Variants in CTNNA3 observed in about 807,000 individuals in gnomAD.
CTNNA3 encodes catenin alpha 3.
Under a neutral mutation model 95.7 loss-of-function variants are expected in CTNNA3, and 76 were observed. The ratio of observed to expected loss-of-function variants is 0.79; its 90% CI spans 0.66 to 0.96. The LOEUF (loss-of-function observed/expected upper bound fraction) is 0.96, where lower values mean the gene tolerates loss of function less well. Ranked by LOEUF, CTNNA3 falls within the 40% of genes least tolerant of loss-of-function variation. The probability of loss-of-function intolerance (pLI) is 0.00; values close to 1 mark genes in which losing one functional copy is unlikely to be tolerated. For synonymous variants in CTNNA3, 431 were observed against 374.4 expected (o/e 1.15, Z -1.74); for missense variants, 1,191 against 1,089.8 (o/e 1.09, Z -1.31).
intron 16 of CTNNA3, among the ~76,000 whole-genome samples, chr10:65,981,803 A>T (rs562826518): frequency 1.4e-4 from 21 of 152,062 alleles, no homozygotes; most frequent in African/African-American, 4.8e-4. Context: ...GATGTAGAAG[A>T]ATGAAACTGG....
At chr10:67,623,393 T>C (rs1401177650) in intron 2 of CTNNA3, among the ~76,000 whole-genome samples, 3 of 152,184 alleles carry the variant, frequency 2.0e-5, no homozygotes, top group Non-Finnish European at 4.4e-5. Flanking sequence ...TAAATTGATA[T>C]ATATGATTGC....
At chr10:67,307,903 G>A (rs1424789812) in intron 5 of CTNNA3, among the ~76,000 whole-genome samples, 1 of 152,142 alleles carries the variant, frequency 6.6e-6, no homozygotes, top group African/African-American at 2.4e-5. Context: ...TTAACCAGTG[G>A]AATTAGGAAT....
At chr10:66,286,617 G>T (rs1365006542) in intron 12 of CTNNA3, among the ~76,000 whole-genome samples, 1 of 152,078 alleles carries the variant, frequency 6.6e-6, no homozygotes, top group African/African-American at 2.4e-5. Context: ...AACAGGGAAA[G>T]AAGTCTAGAG....
intron 11 of CTNNA3, among the ~76,000 whole-genome samples, chr10:66,429,423 T>C (rs1200128222): frequency 1.6e-5 from 2 of 127,106 alleles, no homozygotes; most frequent in Non-Finnish European, 3.3e-5. Context: ...ATCATCCTGA[T>C]ACCAAAGCTG....
chr10:66,047,646 A>C (rs2079855940), intron 15 of CTNNA3, among the ~76,000 whole-genome samples: 1 of 152,186 alleles, frequency 6.6e-6, no homozygotes, highest in Non-Finnish European at 1.5e-5. Flanking sequence ...CTGGCAAGAG[A>C]GACAAATAAA....
intron 5 of CTNNA3, among the ~76,000 whole-genome samples, chr10:67,264,614 T>C (rs1589104999): frequency 6.6e-6 from 1 of 152,162 alleles, no homozygotes; most frequent in Non-Finnish European, 1.5e-5. Flanking sequence ...CTTTGGGGAA[T>C]TCCTCTATTC....
chr10:66,965,999 T>G (rs1849391615), intron 7 of CTNNA3, among the ~76,000 whole-genome samples: 1 of 152,158 alleles, frequency 6.6e-6, no homozygotes, highest in Non-Finnish European at 1.5e-5. Flanking sequence ...ATAAAGGCAG[T>G]GTATAGAACT....
At chr10:67,505,250 T>C (rs763142935) in intron 5 of CTNNA3, among the ~76,000 whole-genome samples, 4 of 152,264 alleles carry the variant, frequency 2.6e-5, no homozygotes, top group Non-Finnish European at 4.4e-5. Flanking sequence ...TAATCTCCCA[T>C]ATTTAGTTTC....
intron 17 of CTNNA3, among the ~76,000 whole-genome samples, chr10:65,926,249 A>G (rs894011807): frequency 2.6e-5 from 4 of 151,616 alleles, no homozygotes; most frequent in Admixed American, 1.3e-4. Flanking sequence ...GCTTTTAGGT[A>G]GTTTGGAGCT....
Position 66,861,712 on chromosome 10 carries a change from G to A in CTNNA3, c.1048-86188C>T, listed in dbSNP as rs1843935548. Among the ~76,000 whole-genome samples the A allele has an allele frequency of 2.0e-5, 3 of 152,170 alleles. No homozygotes were observed. The South Asian group carries it at 6.2e-4, about 32-fold the overall frequency. ...TTGTTGTTTGTTTTTGAGCTGTGTG[G>A]TGGTAGGAGGTGCTTCTTACAATTT... On this transcript the variant is annotated intron_variant, in intron 7 of 17. Transcript: ENST00000433211.
At chr10:66,282,777 AT>A (rs1464712821) in intron 12 of CTNNA3, among the ~76,000 whole-genome samples, 3 of 151,948 alleles carry the variant, frequency 2.0e-5, no homozygotes, top group Non-Finnish European at 2.9e-5. Context: ...TTATGAACAC[AT>A]CATGTTAATA....
intron 7 of CTNNA3, chr10:67,099,786 G>C (rs1858232459): frequency 6.6e-6 from 1 of 151,832 alleles, no homozygotes; most frequent in Non-Finnish European, 1.5e-5. Flanking sequence ...AAAAATTTTT[G>C]TCATTTTAAA....
chr10:66,842,683 A>G (rs1843107779), intron 7 of CTNNA3, among the ~76,000 whole-genome samples: 1 of 152,198 alleles, frequency 6.6e-6, no homozygotes, highest in South Asian at 2.1e-4. Flanking sequence ...GAAATGTAGT[A>G]GGATCACTGT....
chr10:66,364,589 G>A (rs1160384246), intron 12 of CTNNA3, among the ~76,000 whole-genome samples: 1 of 151,932 alleles, frequency 6.6e-6, no homozygotes, highest in Non-Finnish European at 1.5e-5. Context: ...TTTGAAAACA[G>A]CTAAATAGCA....
intron 11 of CTNNA3, among the ~76,000 whole-genome samples, chr10:66,440,453 T>C (rs1280037307): frequency 6.6e-6 from 1 of 152,204 alleles, no homozygotes; most frequent in Non-Finnish European, 1.5e-5. Flanking sequence ...CTGCAGCTTA[T>C]CTTTTCACTT....
intron 7 of CTNNA3, among the ~76,000 whole-genome samples, chr10:66,935,111 C>T (rs969725935): frequency 7.2e-5 from 11 of 152,064 alleles, no homozygotes; most frequent in Non-Finnish European, 1.3e-4. Flanking sequence ...AAAGAATATG[C>T]TTACCAACAG....
At chr10:67,088,967 T>C (rs1043204342) in intron 7 of CTNNA3, among the ~76,000 whole-genome samples, 2 of 151,946 alleles carry the variant, frequency 1.3e-5, no homozygotes, top group African/African-American at 2.4e-5. Context: ...AATAGAACAA[T>C]ACAGTATAAT....
intron 1 of CTNNA3, among the ~76,000 whole-genome samples, chr10:67,683,078 T>C (rs1216596773): frequency 1.3e-5 from 2 of 152,334 alleles, no homozygotes; most frequent in South Asian, 2.1e-4. Context: ...GGATATTGCA[T>C]AGGCAACCAA....
chr10:66,928,221 G>T, intron 7 of CTNNA3: 1 of 1,614,156 alleles, frequency 6.2e-7, no homozygotes. Flanking sequence ...TCGTCATCCT[G>T]CTGGTTATCT....
Sources: gnomAD v4.1 joint callset for allele counts (sites outside exome capture counted in the v4.1 genomes callset) on GRCh38, gnomAD v4.1.1 for gene constraint, MANE v1.5 for transcripts, NCBI Gene and HGNC (gene_info 2026-07-23, HGNC 2026-07-21) for gene names.